The following MALRD1 variants were observed in gnomAD, a reference collection of about 807,000 sequenced individuals.
The protein encoded by MALRD1 is MAM and LDL-receptor class A domain-containing protein 1.
MALRD1 carries 247 observed loss-of-function variants against 242.1 expected under a neutral mutation model. The ratio of observed to expected loss-of-function variants is 1.02; its 90% CI spans 0.92 to 1.13. The LOEUF (loss-of-function observed/expected upper bound fraction) is 1.13. MALRD1 is among the 50% of genes most tolerant of loss of function. MALRD1 has a pLI of 0.00. For missense variants in MALRD1, 2,989 were observed against 2,533.1 expected (o/e 1.18, Z -3.86); for synonymous variants, 995 against 866.6 (o/e 1.15, Z -2.60).
chr10:19,510,363 G>A (rs895060586), intron 31 of MALRD1, among the ~76,000 whole-genome samples: 2 of 152,168 alleles, frequency 1.3e-5, no homozygotes, highest in African/African-American at 2.4e-5. Flanking sequence ...CGGGCTGGGG[G>A]ATGGTCAGGT....
Position 19,624,122 on chromosome 10 carries a change from T to A in MALRD1, c.6137+8199T>A, listed in dbSNP as rs186952438. 9.2e-5 allele frequency among the ~76,000 whole-genome samples: 14 copies of A among 152,056 alleles called. No individual in the cohort carries two copies. In the East Asian group the frequency reaches 2.1e-3, roughly 23 times the overall value. On this transcript the variant is annotated intron_variant, in intron 36 of 39. Transcript: ENST00000454679. ...TTTGGTAATCTCTCACAAAACTACA[T>A]ATTCATTCACTTTGGGACCTAACAA... is the stretch of plus-strand genomic sequence containing the variant.
At chr10:19,570,986 C>G (rs953675775) in intron 33 of MALRD1, among the ~76,000 whole-genome samples, 1 of 151,906 alleles carries the variant, frequency 6.6e-6, no homozygotes, top group African/African-American at 2.4e-5. Context: ...TTTAATCTTG[C>G]CCTAAATGAA....
At chr10:19,598,750 T>A (rs1410923374) in intron 34 of MALRD1, among the ~76,000 whole-genome samples, 1 of 151,926 alleles carries the variant, frequency 6.6e-6, no homozygotes, top group African/African-American at 2.4e-5. Context: ...TGGGTGTAGA[T>A]GAGATCAAAG....
intron 1 of MALRD1, 148 bp from the exon 2 acceptor site, chr10:19,066,571 G>C: frequency 1.7e-6 from 1 of 579,260 alleles, no homozygotes; most frequent in Non-Finnish European, 2.5e-6. Flanking sequence ...AAAAAGCTTT[G>C]CATGAATAAA....
At chr10:19,099,790 G>A (rs1470604540) in intron 4 of MALRD1, among the ~76,000 whole-genome samples, 1 of 149,920 alleles carries the variant, frequency 6.7e-6, no homozygotes, top group Non-Finnish European at 1.5e-5. Context: ...TTGCCAGATG[G>A]AATCTCACTC....
intron 19 of MALRD1, among the ~76,000 whole-genome samples, chr10:19,277,522 C>T (rs1840589625): frequency 6.6e-6 from 1 of 151,990 alleles, no homozygotes; most frequent in African/African-American, 2.4e-5. Flanking sequence ...GGTCCCTCAC[C>T]TCCTCTTTTC....
chr10:19,384,344 C>CTATATAATATATATTATATAG (rs1176071131), intron 26 of MALRD1, among the ~76,000 whole-genome samples: 1 of 118,748 alleles, frequency 8.4e-6, no homozygotes, highest in Non-Finnish European at 1.6e-5. Flanking sequence ...AATATAATTA[C>CTATATAATATATATTATATAG]TATATAATAT....
At chr10:19,501,214 C>G (rs1052998832) in intron 31 of MALRD1, among the ~76,000 whole-genome samples, 1 of 152,146 alleles carries the variant, frequency 6.6e-6, no homozygotes, top group Non-Finnish European at 1.5e-5. Context: ...TGGAAGGTGT[C>G]TCAACCTGGT....
At chr10:19,090,539 G>T (rs1389062093) in intron 4 of MALRD1, among the ~76,000 whole-genome samples, 1 of 32,560 alleles carries the variant, frequency 3.1e-5, no homozygotes, top group Non-Finnish European at 5.0e-5. Context: ...TGCAAACAGG[G>T]ACAATTTGAC....
intron 38 of MALRD1, among the ~76,000 whole-genome samples, chr10:19,692,996 C>A (rs1233227383): frequency 6.6e-6 from 1 of 151,544 alleles, no homozygotes; most frequent in Non-Finnish European, 1.5e-5. Context: ...TCAATAGATA[C>A]AGAAAAGGCC....
At chr10:19,320,747 G>A (rs1177876237) in intron 21 of MALRD1, among the ~76,000 whole-genome samples, 3 of 151,964 alleles carry the variant, frequency 2.0e-5, no homozygotes, top group Non-Finnish European at 2.9e-5. Flanking sequence ...GTTGTTTCCT[G>A]TCTTTTTAAT....
At chr10:19,167,303 G>C (rs1387384238) in intron 13 of MALRD1, among the ~76,000 whole-genome samples, 1 of 152,176 alleles carries the variant, frequency 6.6e-6, no homozygotes, top group Non-Finnish European at 1.5e-5. Flanking sequence ...AAGTTGCAGT[G>C]AGCTGACATG....
Position 19,136,592 on chromosome 10 carries a change from C to T in MALRD1, c.1222C>T (p.Leu408Phe), listed in dbSNP as rs546836877. Residue 408 changes from leucine (L) to phenylalanine (F), a missense_variant, in exon 10 of 40, where the codon CTT becomes TTT. By Grantham distance (22) the Leu-to-Phe change is conservative. Transcript: ENST00000454679. ...CCTAAAGATTATTTTTGAAGGGACT[C>T]TTTTGAGCCAGAGAAGTTTTATTGC... ...KTFKIIFEGTLLSQRSFIALD... is the reference protein window; with the variant it reads ...KTFKIIFEGTFLSQRSFIALD... 61 of 1,231,430 alleles carry T rather than the reference C, an allele frequency of 5.0e-5. No individual in the cohort carries two copies. The African/African-American group carries it at 9.0e-4, about 18-fold the overall frequency. 76.3% of individuals were successfully genotyped at this position (1,231,430 alleles called of 1,614,324 possible).
chr10:19,049,910 A>G (rs550285662), intron 1 of MALRD1, among the ~76,000 whole-genome samples: 40 of 152,146 alleles, frequency 2.6e-4, no homozygotes, highest in Non-Finnish European at 5.3e-4. Flanking sequence ...AGGGTTCACC[A>G]TATTTCAGCA....
Position 19,048,901 on chromosome 10 carries a change from A to G in MALRD1, c.-38A>G. ...AATGTTTCCAATGATGGACTTACTT[A>G]TTACAACTGCTTGATCTCTAATAGA... On this transcript the variant is annotated 5_prime_UTR_variant, in exon 1 of 40. Transcript: ENST00000454679. 1 of 1,217,738 alleles carries G rather than the reference A, an allele frequency of 8.2e-7. No homozygotes were observed. Among genetic ancestry groups the G allele is most frequent in the African/African-American group, 1.6e-5 (1 of 64,250 alleles). 75.4% of individuals were successfully genotyped at this position (1,217,738 alleles called of 1,614,324 possible). A position where few individuals can be genotyped will look rare whatever the true frequency, so the allele number is the denominator to read the frequency against.
intron 21 of MALRD1, among the ~76,000 whole-genome samples, chr10:19,323,072 T>C (rs561455233): frequency 4.3e-4 from 65 of 152,310 alleles, no homozygotes; most frequent in African/African-American, 1.5e-3. Context: ...TCCATCATTA[T>C]TTTTCCTTTT....
At chr10:19,133,613 T>G (rs1833200777) in intron 8 of MALRD1, among the ~76,000 whole-genome samples, 1 of 152,206 alleles carries the variant, frequency 6.6e-6, no homozygotes, top group African/African-American at 2.4e-5. Context: ...TTCATCCAAA[T>G]TTTTGTTCCA....
chr10:19,053,801 A>G (rs1018015364), intron 1 of MALRD1, among the ~76,000 whole-genome samples: 1 of 152,042 alleles, frequency 6.6e-6, no homozygotes, highest in African/African-American at 2.4e-5. Flanking sequence ...AATATAATAA[A>G]AAAAAACCTG....
At chr10:19,671,081 G>T (rs2131761111) in intron 36 of MALRD1, among the ~76,000 whole-genome samples, 1 of 151,872 alleles carries the variant, frequency 6.6e-6, no homozygotes, top group African/African-American at 2.4e-5. Flanking sequence ...AGTAGAGACA[G>T]GGTTTCACCA....
Sources: allele counts gnomAD v4.1 joint callset (sites outside exome capture counted in the v4.1 genomes callset), GRCh38; gene constraint gnomAD v4.1.1; transcripts MANE v1.5; gene names NCBI Gene and HGNC (gene_info 2026-07-23, HGNC 2026-07-21).